Variants in KCNMA1 observed in about 807,000 individuals in gnomAD.
KCNMA1 encodes Calcium-activated potassium channel subunit alpha-1.
A neutral mutation model predicts 140.0 loss-of-function variants in KCNMA1; 29 were observed. The observed-to-expected ratio is 0.21, with a 90% confidence interval of 0.15 to 0.28. KCNMA1 has a LOEUF of 0.28. Among genes scored for constraint, KCNMA1 ranks in the 10% least tolerant of loss-of-function variants. The pLI, the probability that KCNMA1 is intolerant of heterozygous loss-of-function variation, is 1.00. For missense variants in KCNMA1, 880 were observed against 1,602.2 expected (o/e 0.55, Z 7.70); for synonymous variants, 612 against 611.9 (o/e 1.00, Z 0.00).
intron 2 of KCNMA1, among the ~76,000 whole-genome samples, chr10:77,286,114 T>G (rs1251010647): frequency 6.6e-6 from 1 of 152,186 alleles, no homozygotes; most frequent in Non-Finnish European, 1.5e-5. Context: ...CAATTAATTG[T>G]GTAATTTTTT....
intron 1 of KCNMA1, among the ~76,000 whole-genome samples, chr10:77,520,160 ATATGCAGTGTGAGGGCTGGGG>A (rs2052609787): frequency 4.6e-4 from 1 of 2,188 alleles, no homozygotes; most frequent in African/African-American, 1.8e-3. Flanking sequence ...GAGGTCTGGC[ATATGCAGTGTGAGGGCTGGGG>A]TATGCAGTGT....
At chr10:77,612,609 C>G (rs1357511046) in intron 1 of KCNMA1, among the ~76,000 whole-genome samples, 1 of 152,192 alleles carries the variant, frequency 6.6e-6, no homozygotes, top group African/African-American at 2.4e-5. Flanking sequence ...GCTGCACAGG[C>G]GCATACATTG....
intron 1 of KCNMA1, among the ~76,000 whole-genome samples, chr10:77,487,094 G>T (rs2098469889): frequency 6.6e-6 from 1 of 152,158 alleles, no homozygotes; most frequent in Non-Finnish European, 1.5e-5. Flanking sequence ...TAGGAACCAG[G>T]AAAGGTACCG....
intron 11 of KCNMA1, 100 bp from the exon 12 acceptor site, chr10:77,084,819 A>AAT: frequency 3.6e-6 from 3 of 823,096 alleles, no homozygotes; most frequent in Non-Finnish European, 2.0e-6. Context: ...AAGCTTTGCA[A>AAT]AGAAAAAAAA....
At chr10:77,423,016 T>C (rs1341620823) in intron 1 of KCNMA1, among the ~76,000 whole-genome samples, 1 of 152,256 alleles carries the variant, frequency 6.6e-6, no homozygotes, top group Admixed American at 6.5e-5. Context: ...CAAGGCCTTA[T>C]TCTTGGTAGG....
At chr10:77,327,073 T>C (rs1019493521) in intron 2 of KCNMA1, among the ~76,000 whole-genome samples, 8 of 151,996 alleles carry the variant, frequency 5.3e-5, no homozygotes, top group Admixed American at 2.6e-4. Context: ...ATGTTTTCTG[T>C]TTTAAAATCT....
rs577698842 is a variant in KCNMA1, at chr10:77,012,311, A to G, written c.2016-268T>C. ...GGGAAAAAAGTTGCTGATGTGACACACTGTGTCTGCTCATTCGTCTTTCAT... is the reference window on the plus strand; with the variant it reads ...GGGAAAAAAGTTGCTGATGTGACACGCTGTGTCTGCTCATTCGTCTTTCAT... On this transcript the variant is annotated intron_variant, in intron 17 of 27. Coordinates refer to ENST00000286628, the MANE Select transcript of KCNMA1 (RefSeq NM_001161352.2). 303 of 1,465,388 alleles carry G rather than the reference A, an allele frequency of 2.1e-4. 2 individuals carry two copies. In the South Asian group the frequency reaches 4.1e-3, roughly 20 times the overall value. The allele number at this position is 1,465,388 out of a possible 1,614,324, so 90.8% of individuals were successfully genotyped here. A position where few individuals can be genotyped will look rare whatever the true frequency, so the allele number is the denominator to read the frequency against.
chr10:77,024,121 G>A (rs2093163156), intron 16 of KCNMA1, among the ~76,000 whole-genome samples: 1 of 152,166 alleles, frequency 6.6e-6, no homozygotes, highest in Admixed American at 6.6e-5. Context: ...CTGGGAGCAA[G>A]CCAAATCATT....
chr10:77,477,158 G>A (rs2098296839), intron 1 of KCNMA1, among the ~76,000 whole-genome samples: 2 of 152,186 alleles, frequency 1.3e-5, no homozygotes, highest in Non-Finnish European at 2.9e-5. Context: ...CAACTTCGTG[G>A]ATCCCACAGG....
chr10:76,891,368 T>C, intron 26 of KCNMA1, 157 bp downstream of exon 26: 1 of 688,622 alleles, frequency 1.5e-6, no homozygotes. Context: ...AAGTGTCTGA[T>C]CCAGAGTAAA....
At chr10:77,565,023 G>A (rs974671920) in intron 1 of KCNMA1, among the ~76,000 whole-genome samples, 7 of 152,186 alleles carry the variant, frequency 4.6e-5, no homozygotes, top group Non-Finnish European at 7.4e-5. Flanking sequence ...TCAGGCAGAC[G>A]GTGAGAAGGG....
intron 17 of KCNMA1, 136 bp from the exon 18 acceptor site, chr10:77,012,179 G>T (rs2090947181): frequency 6.5e-7 from 1 of 1,533,654 alleles, no homozygotes; most frequent in Non-Finnish European, 8.7e-7. Context: ...GAAAGGTTTA[G>T]ACATTTGCAG....
intron 1 of KCNMA1, among the ~76,000 whole-genome samples, chr10:77,571,810 C>T (rs2071464079): frequency 6.6e-6 from 1 of 152,222 alleles, no homozygotes; most frequent in South Asian, 2.1e-4. Flanking sequence ...TAGATCTGTG[C>T]TTTTTCCCGT....
At chr10:77,454,269 A>G (rs1379803854) in intron 1 of KCNMA1, among the ~76,000 whole-genome samples, 1 of 152,158 alleles carries the variant, frequency 6.6e-6, no homozygotes, top group Non-Finnish European at 1.5e-5. Context: ...GGACCCAGCC[A>G]TAGAGCCCCT....
At chr10:77,288,580 AG>A (rs1336802994) in intron 2 of KCNMA1, among the ~76,000 whole-genome samples, 4 of 152,324 alleles carry the variant, frequency 2.6e-5, no homozygotes, top group African/African-American at 7.2e-5. Flanking sequence ...CTATTTTACC[AG>A]TGGGGTAACC....
At chr10:77,444,374 G>T (rs1217183394) in intron 1 of KCNMA1, among the ~76,000 whole-genome samples, 1 of 152,188 alleles carries the variant, frequency 6.6e-6, no homozygotes, top group Non-Finnish European at 1.5e-5. Context: ...GAAAGGAGGA[G>T]GAGAGAAAGA....
chr10:77,152,887 G>A (rs1308783920), intron 5 of KCNMA1, among the ~76,000 whole-genome samples: 1 of 152,176 alleles, frequency 6.6e-6, no homozygotes, highest in Non-Finnish European at 1.5e-5. Context: ...AGCGGCGGAT[G>A]GAAAGGACTG....
intron 1 of KCNMA1, among the ~76,000 whole-genome samples, chr10:77,413,630 G>C (rs932600390): frequency 6.6e-5 from 10 of 152,084 alleles, no homozygotes; most frequent in African/African-American, 2.4e-4. Flanking sequence ...GGGGACCCAG[G>C]TCTTTCCTAG....
At chr10:77,061,289 C>T (rs961193688) in intron 14 of KCNMA1, among the ~76,000 whole-genome samples, 2 of 152,018 alleles carry the variant, frequency 1.3e-5, no homozygotes, top group South Asian at 4.2e-4. Flanking sequence ...CCAACGAGAT[C>T]CAAAATATAT....
Sources: allele counts gnomAD v4.1 joint callset (sites outside exome capture counted in the v4.1 genomes callset), GRCh38; gene constraint gnomAD v4.1.1; transcripts MANE v1.5; gene names NCBI Gene and HGNC (gene_info 2026-07-23, HGNC 2026-07-21).